The following ZCCHC17 variants were observed in gnomAD, a reference collection of about 807,000 sequenced individuals.
The protein encoded by ZCCHC17 is zinc finger CCHC domain-containing protein 17.
Under a neutral mutation model 30.6 loss-of-function variants are expected in ZCCHC17, and 18 were observed. The ratio of observed to expected loss-of-function variants is 0.59; its 90% CI spans 0.41 to 0.87. ZCCHC17 has a LOEUF of 0.87. Among genes scored for constraint, ZCCHC17 ranks in the 40% least tolerant of loss-of-function variants. The pLI, the probability that ZCCHC17 is intolerant of heterozygous loss-of-function variation, is 0.00. For missense variants in ZCCHC17, 263 were observed against 284.2 expected (o/e 0.93, Z 0.54); for synonymous variants, 88 against 92.4 (o/e 0.95, Z 0.27).
chr1:31,358,254 AAGTT>A (rs1297338269), intron 7 of ZCCHC17, among the ~76,000 whole-genome samples: 1 of 151,992 alleles, frequency 6.6e-6, no homozygotes, highest in African/African-American at 2.4e-5. Context: ...GTAGGAGAGG[AAGTT>A]AGATCAGAAG....
intron 1 of ZCCHC17, among the ~76,000 whole-genome samples, chr1:31,302,738 G>T (rs1038472715): frequency 6.6e-6 from 1 of 152,094 alleles, no homozygotes; most frequent in Admixed American, 6.6e-5. Context: ...AGCAAGGCAC[G>T]TCTTAAGTGG....
At chr1:31,298,096 A>G (rs1047325772) in intron 1 of ZCCHC17, among the ~76,000 whole-genome samples, 2 of 152,170 alleles carry the variant, frequency 1.3e-5, no homozygotes, top group African/African-American at 4.8e-5. Flanking sequence ...GCCCTAGTCG[A>G]TGTATGTGGA....
chr1:31,345,221 A>G (rs1639200140), intron 5 of ZCCHC17, among the ~76,000 whole-genome samples: 1 of 151,060 alleles, frequency 6.6e-6, no homozygotes, highest in Non-Finnish European at 1.5e-5. Flanking sequence ...CAGTGGCGCA[A>G]TCTCGGCTCA....
At chr1:31,334,052 A>G (rs1328945415) in intron 3 of ZCCHC17, among the ~76,000 whole-genome samples, 1 of 152,206 alleles carries the variant, frequency 6.6e-6, no homozygotes, top group Non-Finnish European at 1.5e-5. Flanking sequence ...GAAAAAAATA[A>G]ACCCCATTTG....
At chr1:31,297,442 A>G (rs1051069445) in intron 1 of ZCCHC17, among the ~76,000 whole-genome samples, 2 of 152,206 alleles carry the variant, frequency 1.3e-5, no homozygotes, top group South Asian at 2.1e-4. Context: ...ATCAGGGCCT[A>G]CTGTATGCCC....
At chr1:31,336,099 G>T (rs1332838633) in intron 3 of ZCCHC17, among the ~76,000 whole-genome samples, 1 of 152,028 alleles carries the variant, frequency 6.6e-6, no homozygotes, top group Non-Finnish European at 1.5e-5. Context: ...TGAGATGGGG[G>T]TCTTGCTCTG....
At chr1:31,345,562 A>ATATTATATT (rs71035094) in intron 5 of ZCCHC17, among the ~76,000 whole-genome samples, 6 of 99,804 alleles carry the variant, frequency 6.0e-5, no homozygotes, top group African/African-American at 1.6e-4. Flanking sequence ...ATATATATAT[A>ATATTATATT]ATATAATATA....
intron 2 of ZCCHC17, among the ~76,000 whole-genome samples, chr1:31,310,804 C>T (rs1312356689): frequency 3.3e-4 from 50 of 152,200 alleles, no homozygotes; most frequent in Admixed American, 3.3e-3. Flanking sequence ...GTTTTCACCT[C>T]AACAAATAGA....
At chr1:31,327,464 C>G (rs970588512) in intron 3 of ZCCHC17, among the ~76,000 whole-genome samples, 4 of 152,160 alleles carry the variant, frequency 2.6e-5, no homozygotes, top group Non-Finnish European at 5.9e-5. Flanking sequence ...TTTCAGTTAC[C>G]CTAGGTCAAC....
At chr1:31,318,034 G>A (rs1646777689) in intron 2 of ZCCHC17, 2 of 647,306 alleles carry the variant, frequency 3.1e-6, no homozygotes, top group Non-Finnish European at 4.9e-6. Context: ...GGGAATAATA[G>A]TACCAACTCT....
chr1:31,362,919 A>T (rs891142932), intron 7 of ZCCHC17, among the ~76,000 whole-genome samples: 6 of 152,240 alleles, frequency 3.9e-5, no homozygotes, highest in African/African-American at 7.2e-5. Context: ...CCTTTCCCCC[A>T]TTCAGTTCAT....
At chr1:31,345,306 G>A (rs1004172995) in intron 5 of ZCCHC17, among the ~76,000 whole-genome samples, 2 of 151,106 alleles carry the variant, frequency 1.3e-5, no homozygotes, top group African/African-American at 4.9e-5. Flanking sequence ...ACAGGCGCCC[G>A]CCACCTCGCC....
chr1:31,363,976 G>T (rs1468937880), intron 7 of ZCCHC17, 56 bp from the exon 8 acceptor site: 24 of 1,587,226 alleles, frequency 1.5e-5, no homozygotes, highest in Non-Finnish European at 2.1e-5. Context: ...TATGTGCTAT[G>T]ATTGTTAAAA....
chr1:31,346,858 CTT>C (rs1350719984), intron 6 of ZCCHC17, 118 bp downstream of exon 6: 2 of 1,530,098 alleles, frequency 1.3e-6, no homozygotes, highest in Non-Finnish European at 1.8e-6. Context: ...AAGTGATGGC[CTT>C]TGCTGTTTTT....
intron 1 of ZCCHC17, among the ~76,000 whole-genome samples, chr1:31,298,543 C>T (rs757578184): frequency 3.3e-5 from 5 of 152,074 alleles, no homozygotes; most frequent in Non-Finnish European, 5.9e-5. Flanking sequence ...CTCCACTGTG[C>T]CCGGCCAATT....
At chr1:31,336,033 A>G (rs911902071) in intron 3 of ZCCHC17, among the ~76,000 whole-genome samples, 9 of 152,124 alleles carry the variant, frequency 5.9e-5, no homozygotes, top group Non-Finnish European at 8.8e-5. Flanking sequence ...TCTGTAGGTA[A>G]TAATACCGCA....
At chr1:31,307,335 G>A (rs1276023600) in intron 1 of ZCCHC17, among the ~76,000 whole-genome samples, 3 of 152,036 alleles carry the variant, frequency 2.0e-5, no homozygotes, top group African/African-American at 7.2e-5. Flanking sequence ...AAATCTGGGA[G>A]CATTAAACCT....
intron 7 of ZCCHC17, among the ~76,000 whole-genome samples, chr1:31,356,000 T>G (rs1639630951): frequency 6.6e-6 from 1 of 152,180 alleles, no homozygotes; most frequent in South Asian, 2.1e-4. Flanking sequence ...TGAGTAGATT[T>G]GTGAAGGAAC....
intron 5 of ZCCHC17, among the ~76,000 whole-genome samples, chr1:31,345,089 G>T (rs6679360): frequency 0.45 from 67,727 of 150,368 alleles, 18,755 homozygotes; most frequent in Non-Finnish European, 0.62. Flanking sequence ...GATTACCCTT[G>T]GGGGAGGCAG....
Sources: gnomAD v4.1 joint callset for allele counts (sites outside exome capture counted in the v4.1 genomes callset) on GRCh38, gnomAD v4.1.1 for gene constraint, MANE v1.5 for transcripts, NCBI Gene and HGNC (gene_info 2026-07-23, HGNC 2026-07-21) for gene names.